Variants in ADAMTS20 observed in about 807,000 individuals in gnomAD.
The protein encoded by ADAMTS20 is ADAM metallopeptidase with thrombospondin type 1 motif 20.
Under a neutral mutation model 260.1 loss-of-function variants are expected in ADAMTS20, and 225 were observed. That is an observed-to-expected ratio of 0.87 (90% CI 0.78 to 0.97). The LOEUF (loss-of-function observed/expected upper bound fraction) is 0.97, where lower values mean the gene tolerates loss of function less well. Ranked by LOEUF, ADAMTS20 falls within the 50% of genes least tolerant of loss-of-function variation. ADAMTS20 has a pLI of 0.00. For missense variants in ADAMTS20, 2,400 were observed against 2,337.7 expected (o/e 1.03, Z -0.55); for synonymous variants, 802 against 769.5 (o/e 1.04, Z -0.70).
intron 7 of ADAMTS20, among the ~76,000 whole-genome samples, chr12:43,471,178 C>T (rs112958484): frequency 4.6e-5 from 7 of 152,198 alleles, no homozygotes; most frequent in East Asian, 1.9e-4. Context: ...ACCTGGGAAG[C>T]GCAAGGGGTC....
chr12:43,448,685 A>G (rs1298888283), intron 14 of ADAMTS20, among the ~76,000 whole-genome samples: 1 of 152,212 alleles, frequency 6.6e-6, no homozygotes, highest in Non-Finnish European at 1.5e-5. Context: ...AGAAATTATC[A>G]ACAGAGTAAA....
chr12:43,452,817 A>G, intron 12 of ADAMTS20, 122 bp from the exon 13 acceptor site: 2 of 862,136 alleles, frequency 2.3e-6, no homozygotes, highest in Admixed American at 3.0e-5. Flanking sequence ...ACACTTTTTA[A>G]CAGAAGTATG....
intron 27 of ADAMTS20, 64 bp from the exon 28 acceptor site, chr12:43,425,754 C>A (rs1260841875): frequency 1.8e-6 from 2 of 1,122,500 alleles, no homozygotes; most frequent in Non-Finnish European, 2.4e-6. Flanking sequence ...TTGCTTCATT[C>A]AATGTTTAAA....
At chr12:43,391,093 C>T (rs778526365) in intron 29 of ADAMTS20, among the ~76,000 whole-genome samples, 11 of 152,264 alleles carry the variant, frequency 7.2e-5, no homozygotes, top group South Asian at 2.1e-4. Flanking sequence ...AAGGTGCTGG[C>T]GGTGTCAGTG....
chr12:43,512,901 G>A (rs1285985122), intron 3 of ADAMTS20, among the ~76,000 whole-genome samples: 1 of 152,106 alleles, frequency 6.6e-6, no homozygotes, highest in Non-Finnish European at 1.5e-5. Flanking sequence ...GGTTGAATGT[G>A]GTAATATATG....
At chr12:43,476,041 A>G (rs988888184) in intron 7 of ADAMTS20, among the ~76,000 whole-genome samples, 1 of 127,866 alleles carries the variant, frequency 7.8e-6, no homozygotes, top group African/African-American at 3.1e-5. Flanking sequence ...AGAAACTACC[A>G]TCAGAGTGAA....
At chr12:43,458,556 T>G (rs907416065) in intron 11 of ADAMTS20, among the ~76,000 whole-genome samples, 10 of 152,226 alleles carry the variant, frequency 6.6e-5, no homozygotes, top group African/African-American at 1.9e-4. Flanking sequence ...GATATCCTCA[T>G]AGCTAACCCT....
At chr12:43,397,651 T>A (rs1044929857) in intron 29 of ADAMTS20, among the ~76,000 whole-genome samples, 49 of 152,140 alleles carry the variant, frequency 3.2e-4, no homozygotes, top group Admixed American at 3.2e-3. Flanking sequence ...ATAAAACAAG[T>A]TAATAGAGAA....
intron 28 of ADAMTS20, among the ~76,000 whole-genome samples, chr12:43,407,780 T>G (rs1050022114): frequency 4.6e-5 from 7 of 152,162 alleles, no homozygotes; most frequent in African/African-American, 1.7e-4. Context: ...GAACTTGAGT[T>G]TATTTTGGTA....
At position 43,496,059 on chromosome 12, in the gene ADAMTS20, G is replaced by A. The variant is rs1942673783; in HGVS notation, c.868-2806C>T. On this transcript the variant is annotated intron_variant, in intron 4 of 38. Transcript: ENST00000389420. ...ACTCAGAGAATTTTTGAAGCAGTAT[G>A]TACAATGCACTTCTCTCCTTCCTAA... 2.0e-5 allele frequency among the ~76,000 whole-genome samples: 3 copies of A among 152,178 alleles called. No homozygotes were observed. In the South Asian group the frequency reaches 6.2e-4, roughly 32 times the overall value.
At position 43,437,961 on chromosome 12, in the gene ADAMTS20, C is replaced by T. The variant is rs578170724; in HGVS notation, c.2593+1661G>A. Among the ~76,000 whole-genome samples the T allele has an allele frequency of 1.1e-4, 17 of 151,930 alleles. No homozygotes were observed. The East Asian group carries it at 1.5e-3, about 14-fold the overall frequency. On this transcript the variant is annotated intron_variant, in intron 18 of 38. Transcript: ENST00000389420. The stretch of plus-strand genomic sequence containing the variant: ...TATAATATGCTTGACAATATTAAGA[C>T]AAAATGTAGAGTTCTGATAAAAAGC...
intron 29 of ADAMTS20, among the ~76,000 whole-genome samples, chr12:43,387,290 G>C (rs10880478): frequency 0.25 from 37,758 of 152,028 alleles, 5,290 homozygotes; most frequent in African/African-American, 0.38. Flanking sequence ...CCATGCCAGA[G>C]CCTGCTTGCC....
intron 6 of ADAMTS20, among the ~76,000 whole-genome samples, chr12:43,491,347 A>G (rs1447171654): frequency 6.6e-6 from 1 of 152,158 alleles, no homozygotes; most frequent in African/African-American, 2.4e-5. Context: ...ATGTTTGCAT[A>G]AAGACTAAAT....
chr12:43,357,845 A>G (rs1489418420), intron 37 of ADAMTS20, among the ~76,000 whole-genome samples: 1 of 152,220 alleles, frequency 6.6e-6, no homozygotes, highest in African/African-American at 2.4e-5. Context: ...ACACAAATAC[A>G]TATATAAAAC....
chr12:43,376,436 G>A (rs993482253), intron 33 of ADAMTS20, 88 bp downstream of exon 33: 2 of 1,468,962 alleles, frequency 1.4e-6, no homozygotes, highest in African/African-American at 2.8e-5. Flanking sequence ...ACTTTGTTTT[G>A]TGGAGTGTGA....
intron 15 of ADAMTS20, among the ~76,000 whole-genome samples, chr12:43,444,397 C>T (rs997508778): frequency 1.3e-5 from 2 of 151,826 alleles, no homozygotes; most frequent in African/African-American, 4.8e-5. Flanking sequence ...AAGTTTAAAG[C>T]TCAAGTTTTA....
intron 7 of ADAMTS20, among the ~76,000 whole-genome samples, chr12:43,481,188 G>T (rs1459365764): frequency 1.3e-5 from 2 of 152,092 alleles, no homozygotes; most frequent in East Asian, 3.9e-4. Context: ...ATCAGACCTT[G>T]GTGATGACCT....
intron 28 of ADAMTS20, among the ~76,000 whole-genome samples, chr12:43,403,230 A>AT (rs1212861877): frequency 6.6e-6 from 1 of 152,112 alleles, no homozygotes; most frequent in African/African-American, 2.4e-5. Context: ...TGAGGTGCGG[A>AT]TTTTTTTGTT....
chr12:43,456,679 C>A (rs1199350086), intron 11 of ADAMTS20, among the ~76,000 whole-genome samples: 2 of 152,148 alleles, frequency 1.3e-5, no homozygotes, highest in African/African-American at 4.8e-5. Context: ...AGGGCAGGGG[C>A]AGGAGTTCTT....
Sources: gnomAD v4.1 joint callset for allele counts (sites outside exome capture counted in the v4.1 genomes callset) on GRCh38, gnomAD v4.1.1 for gene constraint, MANE v1.5 for transcripts, NCBI Gene and HGNC (gene_info 2026-07-23, HGNC 2026-07-21) for gene names.